CPVL: variants seen among roughly 807,000 people sequenced by gnomAD.
CPVL encodes carboxypeptidase vitellogenic like.
CPVL carries 51 observed loss-of-function variants against 63.7 expected under a neutral mutation model. The ratio of observed to expected loss-of-function variants is 0.80; its 90% CI spans 0.64 to 1.01. The LOEUF (loss-of-function observed/expected upper bound fraction) is 1.01. CPVL is among the 50% of genes least tolerant of loss of function. CPVL has a pLI of 0.00. For missense variants in CPVL, 530 were observed against 573.1 expected, an observed-to-expected ratio of 0.92 and a Z score of 0.77; for synonymous variants, 195 against 206.0, an observed-to-expected ratio of 0.95 and a Z score of 0.46.
chr7:29,068,787 T>C (rs1042248643), intron 9 of CPVL, among the ~76,000 whole-genome samples: 8 of 149,714 alleles, frequency 5.3e-5, no homozygotes, highest in Non-Finnish European at 8.9e-5. Flanking sequence ...CTCCGCCTCC[T>C]GGGTTCACGC....
Position 29,079,855 on chromosome 7 carries a change from T to C in CPVL, c.609+6629A>G, listed in dbSNP as rs550319272. 1.6e-4 allele frequency among the ~76,000 whole-genome samples: 24 copies of C among 152,292 alleles called. 1 individual carries two copies. The highest frequency in any genetic ancestry group is 1.2e-3 in the Admixed American group (19 of 15,294). Reference sequence around the variant, plus strand: ...AGGTAGGCTCTGCTCTCTACTCAAATGCAAACATGTTGAGAGTCCACCCTA... The same window carrying C: ...AGGTAGGCTCTGCTCTCTACTCAAACGCAAACATGTTGAGAGTCCACCCTA... On this transcript the variant is annotated intron_variant, in intron 7 of 12. Transcript: ENST00000265394.
intron 11 of CPVL, among the ~76,000 whole-genome samples, chr7:29,036,977 TGTGCTTCTAA>T (rs1170987208): frequency 2.6e-5 from 4 of 152,146 alleles, no homozygotes; most frequent in African/African-American, 9.7e-5. Context: ...GCCCAAACTG[TGTGCTTCTAA>T]GTGCTCTTCC....
At chr7:29,194,884 AGCG>A (rs944512927) in intron 1 of CPVL, 6 of 1,387,296 alleles carry the variant, frequency 4.3e-6, no homozygotes, top group African/African-American at 1.5e-5. Context: ...GGGCGAGGGC[AGCG>A]GCGGCGGCGT....
At chr7:29,077,966 A>G (rs1784380296) in intron 7 of CPVL, among the ~76,000 whole-genome samples, 1 of 152,188 alleles carries the variant, frequency 6.6e-6, no homozygotes, top group Non-Finnish European at 1.5e-5. Flanking sequence ...CTCTGAAGAG[A>G]GAAGTGTGGC....
At chr7:29,123,236 A>G (rs1212988501) in intron 1 of CPVL, among the ~76,000 whole-genome samples, 1 of 152,162 alleles carries the variant, frequency 6.6e-6, no homozygotes, top group Non-Finnish European at 1.5e-5. Context: ...AAATTTTAAA[A>G]GCTTTTCAGG....
At chr7:29,061,835 A>C (rs1316512798) in intron 11 of CPVL, among the ~76,000 whole-genome samples, 1 of 151,978 alleles carries the variant, frequency 6.6e-6, no homozygotes, top group African/African-American at 2.4e-5. Flanking sequence ...AATCCCAGCT[A>C]CTTGAGAGGC....
intron 1 of CPVL, chr7:29,191,480 T>C (rs983912051): frequency 2.6e-5 from 4 of 152,234 alleles, no homozygotes; most frequent in Non-Finnish European, 5.9e-5. Context: ...CCCAAGGGCA[T>C]AGGCCACCAT....
At chr7:29,111,486 A>C (rs1187659481) in intron 3 of CPVL, among the ~76,000 whole-genome samples, 2 of 152,206 alleles carry the variant, frequency 1.3e-5, no homozygotes, top group African/African-American at 4.8e-5. Context: ...AGCTCTAGGC[A>C]TCTCACTTGC....
intron 12 of CPVL, among the ~76,000 whole-genome samples, chr7:29,027,462 C>T (rs1787609738): frequency 6.6e-6 from 1 of 152,084 alleles, no homozygotes; most frequent in African/African-American, 2.4e-5. Context: ...CAACATAGTA[C>T]CAGAAGTCCT....
chr7:29,108,849 G>A (rs1009441127), intron 3 of CPVL, among the ~76,000 whole-genome samples: 6 of 152,186 alleles, frequency 3.9e-5, no homozygotes, highest in South Asian at 2.1e-4. Context: ...CTGACTTACC[G>A]AAGAGACTGT....
Position 29,121,077 on chromosome 7 carries a change from A to T in CPVL, c.-10-6T>A, listed in dbSNP as rs1789322896. On this transcript the variant is annotated splice_polypyrimidine_tract_variant and splice_region_variant and intron_variant, in intron 1 of 12. Coordinates refer to ENST00000265394, the MANE Select transcript of CPVL (RefSeq NM_031311.5). ...CACCAACCATCTCTCAGGGTCTAGG[A>T]TAAAAACAGCATTCCAAAAATGAAT... 1.3e-6 allele frequency: 2 copies of T among 1,564,960 alleles called. No individual in the cohort carries two copies. Among genetic ancestry groups the T allele is most frequent in the Admixed American group, 4.2e-5 (2 of 47,070 alleles).
At chr7:29,010,457 A>T (rs1475640147) in intron 12 of CPVL, 1 of 152,192 alleles carries the variant, frequency 6.6e-6, no homozygotes, top group Non-Finnish European at 1.5e-5. Context: ...TGCTTTAGAA[A>T]CAACTCATTA....
intron 5 of CPVL, among the ~76,000 whole-genome samples, chr7:29,178,022 G>A (rs1179695883): frequency 6.6e-6 from 1 of 152,068 alleles, no homozygotes; most frequent in Non-Finnish European, 1.5e-5. Context: ...AAAAACCTAG[G>A]AGTCACCTTG....
chr7:29,143,264 A>G (rs1249223763), intron 1 of CPVL, among the ~76,000 whole-genome samples: 2 of 152,146 alleles, frequency 1.3e-5, no homozygotes, highest in African/African-American at 4.8e-5. Context: ...CCCTAACCCT[A>G]CCCTGCCTTT....
chr7:29,178,037 T>A (rs542867469), intron 5 of CPVL, among the ~76,000 whole-genome samples: 1 of 152,162 alleles, frequency 6.6e-6, no homozygotes, highest in African/African-American at 2.4e-5. Context: ...ACCTTGATGA[T>A]TGTTTATCTC....
intron 7 of CPVL, among the ~76,000 whole-genome samples, chr7:29,085,563 G>GATAACTGTAAT (rs1266136265): frequency 1.3e-5 from 2 of 152,220 alleles, no homozygotes; most frequent in African/African-American, 2.4e-5. Context: ...GATTCAGACA[G>GATAACTGTAAT]AGATCAGTGG....
chr7:29,069,732 A>G (rs986520073), intron 9 of CPVL, among the ~76,000 whole-genome samples: 1 of 150,470 alleles, frequency 6.6e-6, no homozygotes, highest in Non-Finnish European at 1.5e-5. Flanking sequence ...ATTCATTGCT[A>G]TCCCCTGGGG....
At chr7:29,048,248 G>A (rs1789808854) in intron 11 of CPVL, among the ~76,000 whole-genome samples, 2 of 152,224 alleles carry the variant, frequency 1.3e-5, no homozygotes, top group African/African-American at 2.4e-5. Flanking sequence ...TGGCCTAAAT[G>A]CTCCACTTAA....
chr7:29,135,299 T>C (rs932515642), intron 1 of CPVL, among the ~76,000 whole-genome samples: 5 of 151,630 alleles, frequency 3.3e-5, no homozygotes, highest in Non-Finnish European at 5.9e-5. Context: ...GAGAATGGTA[T>C]CACATAAAAA....
Sources: gnomAD v4.1 joint callset for allele counts (sites outside exome capture counted in the v4.1 genomes callset) on GRCh38, gnomAD v4.1.1 for gene constraint, MANE v1.5 for transcripts, NCBI Gene and HGNC (gene_info 2026-07-23, HGNC 2026-07-21) for gene names.